PRSS23: variants seen among roughly 807,000 people sequenced by gnomAD.
PRSS23 encodes the protein serine protease 23.
PRSS23 carries 25 observed loss-of-function variants against 34.7 expected under a neutral mutation model. That is an observed-to-expected ratio of 0.72 (90% CI 0.53 to 1.01). The LOEUF is 1.01. Among genes scored for constraint, PRSS23 ranks in the 50% least tolerant of loss-of-function variants. PRSS23 has a pLI of 0.00. For synonymous variants in PRSS23, 176 were observed against 186.6 expected (o/e 0.94, Z 0.46); for missense variants, 445 against 475.6 (o/e 0.94, Z 0.60).
intron 2 of PRSS23, among the ~76,000 whole-genome samples, chr11:86,904,896 A>AG (rs976135824): frequency 1.3e-5 from 2 of 152,068 alleles, no homozygotes; most frequent in African/African-American, 4.8e-5. Flanking sequence ...AAAAAAAAAA[A>AG]AAAGTTTTAA....
rs188082660 is a variant in PRSS23, at chr11:86,807,616, T to C, written c.-13-15T>C. The C allele has an allele frequency of 6.4e-7, 1 of 1,569,944 alleles. No individual in the cohort carries two copies. ...AGCCCTTGCCCTCCTGACCTGCTTG[T>C]CTTTGTTTCTACAGAACAGTGCTCG... is the stretch of plus-strand genomic sequence containing the variant. On this transcript the variant is annotated splice_polypyrimidine_tract_variant and intron_variant, in intron 1 of 1. Coordinates refer to ENST00000280258, the MANE Select transcript of PRSS23 (RefSeq NM_007173.6).
At chr11:86,924,400 C>T (rs1047151048) in intron 2 of PRSS23, among the ~76,000 whole-genome samples, 2 of 152,132 alleles carry the variant, frequency 1.3e-5, no homozygotes, top group African/African-American at 4.8e-5. Flanking sequence ...ATGATGAGGG[C>T]ATGTTTGACT....
At chr11:86,880,212 T>C (rs1471077903) in intron 2 of PRSS23, among the ~76,000 whole-genome samples, 13 of 151,954 alleles carry the variant, frequency 8.6e-5, no homozygotes, top group Admixed American at 8.5e-4. Flanking sequence ...AAGGGCGGTG[T>C]AAGATGTGCT....
At position 86,951,999 on chromosome 11, in the gene PRSS23, G is replaced by A. The variant is rs767255289; in HGVS notation, c.*714G>A. On this transcript the variant is annotated 3_prime_UTR_variant, in exon 3 of 3. Coordinates refer to the PRSS23 transcript ENST00000533902. ...CACATACTGAGAAATATGATGGGGC[G>A]CTCAGGGTAGGAAAACCTAGAAGAA... The A allele has an allele frequency of 5.0e-6, 8 of 1,613,892 alleles. No individual in the cohort carries two copies. Among genetic ancestry groups the A allele is most frequent in the South Asian group, 3.3e-5 (3 of 91,076 alleles).
intron 2 of PRSS23, among the ~76,000 whole-genome samples, chr11:86,913,073 G>C (rs926413553): frequency 1.3e-5 from 2 of 152,120 alleles, no homozygotes; most frequent in Non-Finnish European, 2.9e-5. Flanking sequence ...AATTGCCAGA[G>C]ACTTAGGTAG....
At position 86,807,614 on chromosome 11, in the gene PRSS23, T is replaced by G. The variant is rs375672158; in HGVS notation, c.-13-17T>G. On this transcript the variant is annotated splice_polypyrimidine_tract_variant and intron_variant, in intron 1 of 1. Coordinates refer to ENST00000280258, the MANE Select transcript of PRSS23 (RefSeq NM_007173.6). ...TCAGCCCTTGCCCTCCTGACCTGCT[T>G]GTCTTTGTTTCTACAGAACAGTGCT... 8 of 1,567,142 alleles carry G rather than the reference T, an allele frequency of 5.1e-6. No homozygotes were observed. The highest frequency in any genetic ancestry group is 6.9e-6 in the Non-Finnish European group (8 of 1,155,354).
chr11:86,823,567 C>T lies in PRSS23; in HGVS notation c.180C>T (p.Phe60=), dbSNP rs570195095. Residue 60 remains phenylalanine (F), a synonymous_variant, in exon 2 of 3, where the codon TTC becomes TTT. Coordinates refer to the PRSS23 transcript ENST00000533902. Reference sequence around the variant, plus strand: ...GACAGAAAAGACAGTGTTCTGCTTTCATGGAGTTCACAGAAGAGTCGAGGA... The same window carrying T: ...GACAGAAAAGACAGTGTTCTGCTTTTATGGAGTTCACAGAAGAGTCGAGGA... The T allele has an allele frequency of 5.7e-6, 4 of 702,582 alleles. No individual in the cohort carries two copies. The African/African-American group carries it at 7.0e-5, about 12-fold the overall frequency. The allele number at this position is 702,582 out of a possible 1,614,324, so 43.5% of individuals were successfully genotyped here.
chr11:86,838,544 G>A (rs1031807004), intron 2 of PRSS23, among the ~76,000 whole-genome samples: 24 of 152,206 alleles, frequency 1.6e-4, no homozygotes, highest in Non-Finnish European at 3.1e-4. Flanking sequence ...TGGGGGCAGG[G>A]CATAGCAGAA....
intron 2 of PRSS23, among the ~76,000 whole-genome samples, chr11:86,918,639 T>TGA (rs1213073597): frequency 6.6e-6 from 1 of 152,196 alleles, no homozygotes; most frequent in Non-Finnish European, 1.5e-5. Context: ...GTAGGCTCTG[T>TGA]GAGAGCTGAG....
chr11:86,887,163 C>T (rs1017445467), intron 2 of PRSS23, among the ~76,000 whole-genome samples: 1 of 152,122 alleles, frequency 6.6e-6, no homozygotes, highest in Non-Finnish European at 1.5e-5. Context: ...TGACTGACTC[C>T]AGAGCTGTGC....
intron 2 of PRSS23, among the ~76,000 whole-genome samples, chr11:86,824,370 T>A (rs932904435): frequency 6.3e-5 from 6 of 94,708 alleles, no homozygotes; most frequent in African/African-American, 3.0e-4. Flanking sequence ...TAAAATAAAA[T>A]AAATAAAATA....
chr11:86,920,756 A>G (rs912687182), intron 2 of PRSS23, among the ~76,000 whole-genome samples: 4 of 152,072 alleles, frequency 2.6e-5, no homozygotes, highest in Admixed American at 6.6e-5. Context: ...ATTGTAGCCA[A>G]ACTTTCCAAA....
At chr11:86,863,534 C>T (rs1053785701) in intron 2 of PRSS23, among the ~76,000 whole-genome samples, 2 of 152,148 alleles carry the variant, frequency 1.3e-5, no homozygotes, top group African/African-American at 4.8e-5. Flanking sequence ...TGCCTCAGAA[C>T]GAGAACCTTT....
At chr11:86,927,015 T>G (rs1949086108) in intron 2 of PRSS23, among the ~76,000 whole-genome samples, 1 of 152,180 alleles carries the variant, frequency 6.6e-6, no homozygotes, top group South Asian at 2.1e-4. Context: ...CAGATAGGGT[T>G]ACCCAGTCAT....
Position 86,873,222 on chromosome 11 carries a change from A to ATG in PRSS23, c.206+49631_206+49632dup, listed in dbSNP as rs1175013769. On this transcript the variant is annotated intron_variant, in intron 2 of 2. Transcript: ENST00000533902. ...TACACACACACACACACACAGATAT[A>ATG]TGTATATATATATACACACACACAC... Among the ~76,000 whole-genome samples, 26 of 102,950 alleles carry ATG rather than the reference A, an allele frequency of 2.5e-4. No homozygotes were observed. In the East Asian group the frequency reaches 6.5e-3, roughly 26 times the overall value. 67.5% of individuals were successfully genotyped at this position (102,950 alleles called of 152,430 possible).
At chr11:86,892,591 T>C (rs1948849001) in intron 2 of PRSS23, among the ~76,000 whole-genome samples, 1 of 152,236 alleles carries the variant, frequency 6.6e-6, no homozygotes, top group Non-Finnish European at 1.5e-5. Context: ...TGGAATTGAA[T>C]ACTGGCTGCT....
In PRSS23 at chr11:86,940,184, G is replaced by A. The variant is rs998805165; in HGVS notation, c.207-11032G>A. 2.2e-4 allele frequency among the ~76,000 whole-genome samples: 33 copies of A among 152,056 alleles called. 1 individual carries two copies. Among genetic ancestry groups the A allele is most frequent in the Non-Finnish European group, 1.5e-4 (10 of 68,018 alleles). Reference sequence around the variant, plus strand: ...CACTAACAGTGTCATGCTGACCCTCGGACTGCAAGGGGGAGTCTGAATGCA... The same window carrying A: ...CACTAACAGTGTCATGCTGACCCTCAGACTGCAAGGGGGAGTCTGAATGCA... On this transcript the variant is annotated intron_variant, in intron 2 of 2. Coordinates refer to the PRSS23 transcript ENST00000533902.
At chr11:86,941,405 T>A (rs552466006) in intron 2 of PRSS23, among the ~76,000 whole-genome samples, 1 of 152,352 alleles carries the variant, frequency 6.6e-6, no homozygotes, top group Non-Finnish European at 1.5e-5. Context: ...GGAAAGGTTA[T>A]GTCTTATTTA....
chr11:86,837,866 G>A (rs531223445), intron 2 of PRSS23, among the ~76,000 whole-genome samples: 16 of 152,122 alleles, frequency 1.1e-4, no homozygotes, highest in Non-Finnish European at 1.5e-4. Context: ...TAGTGAGATC[G>A]ACACAGAAGA....
Sources: gnomAD v4.1 joint callset for allele counts (sites outside exome capture counted in the v4.1 genomes callset) on GRCh38, gnomAD v4.1.1 for gene constraint, MANE v1.5 for transcripts, NCBI Gene and HGNC (gene_info 2026-07-23, HGNC 2026-07-21) for gene names.